The following DDHD1 variants were observed in gnomAD, a reference collection of about 807,000 sequenced individuals.
The protein encoded by DDHD1 is phospholipase DDHD1.
In DDHD1, 49 loss-of-function variants were observed where a neutral mutation model predicts 96.4. The observed-to-expected ratio is 0.51, with a 90% CI of 0.40 to 0.64. DDHD1 has a LOEUF of 0.64. Ranked by LOEUF, DDHD1 falls within the 30% of genes least tolerant of loss-of-function variation. DDHD1 has a pLI of 0.00. For synonymous variants in DDHD1, 442 were observed against 446.5 expected, an observed-to-expected ratio of 0.99 and a Z score of 0.13; for missense variants, 1,106 against 1,161.2, an observed-to-expected ratio of 0.95 and a Z score of 0.69.
intron 6 of DDHD1, among the ~76,000 whole-genome samples, chr14:53,071,437 A>C (rs538893575): frequency 6.6e-6 from 1 of 152,182 alleles, no homozygotes; most frequent in East Asian, 1.9e-4. Flanking sequence ...GGCCCTATGT[A>C]CTGTAATATT....
intron 1 of DDHD1, among the ~76,000 whole-genome samples, chr14:53,133,749 C>A (rs1007067737): frequency 6.6e-6 from 1 of 152,174 alleles, no homozygotes; most frequent in African/African-American, 2.4e-5. Flanking sequence ...AGTCCTCCAG[C>A]AAGCTACACA....
intron 5 of DDHD1, 47 bp from the exon 6 acceptor site, chr14:53,072,750 G>A: frequency 7.2e-7 from 1 of 1,382,602 alleles, no homozygotes; most frequent in Non-Finnish European, 1.0e-6. Flanking sequence ...GAAAGTCTCT[G>A]TTACAGGAAA....
intron 1 of DDHD1, 148 bp downstream of exon 1, chr14:53,152,113 G>GAAGGTGA: frequency 1.7e-5 from 14 of 833,718 alleles, no homozygotes; most frequent in Admixed American, 9.6e-5. Context: ...AGCTGCCGAC[G>GAAGGTGA]CTCCCTGCTC....
At chr14:53,135,119 G>A (rs1890137621) in intron 1 of DDHD1, among the ~76,000 whole-genome samples, 1 of 152,110 alleles carries the variant, frequency 6.6e-6, no homozygotes, top group South Asian at 2.1e-4. Context: ...TAAAAAGACA[G>A]GAATGTCAGG....
chr14:53,113,365 T>A (rs559495678), intron 1 of DDHD1, among the ~76,000 whole-genome samples: 129 of 107,838 alleles, frequency 1.2e-3, no homozygotes, highest in South Asian at 3.4e-3. Flanking sequence ...TTTTTCTTTT[T>A]AAAAAAAAAA....
intron 6 of DDHD1, among the ~76,000 whole-genome samples, chr14:53,065,180 T>C (rs1161037112): frequency 6.6e-6 from 1 of 152,136 alleles, no homozygotes; most frequent in Non-Finnish European, 1.5e-5. Flanking sequence ...AGTTAAAATT[T>C]ACGAAGGAAA....
chr14:53,072,386 A>C (rs558860148), intron 6 of DDHD1, among the ~76,000 whole-genome samples: 84 of 152,222 alleles, frequency 5.5e-4, no homozygotes, highest in Admixed American at 9.2e-4. Flanking sequence ...ACTATTTTCT[A>C]AACAGTCCCC....
chr14:53,114,178 A>G (rs1464286544), intron 1 of DDHD1, among the ~76,000 whole-genome samples: 1 of 152,192 alleles, frequency 6.6e-6, no homozygotes, highest in African/African-American at 2.4e-5. Context: ...ATTCCTCCTC[A>G]CTGGGCGGAG....
At chr14:53,084,168 T>C (rs1171663632) in intron 4 of DDHD1, among the ~76,000 whole-genome samples, 4 of 152,180 alleles carry the variant, frequency 2.6e-5, no homozygotes, top group African/African-American at 9.7e-5. Context: ...CTTATTCTTC[T>C]TGAATTTGAA....
intron 4 of DDHD1, among the ~76,000 whole-genome samples, chr14:53,074,416 C>T (rs969209526): frequency 3.3e-5 from 5 of 151,568 alleles, no homozygotes; most frequent in African/African-American, 9.7e-5. Flanking sequence ...CACTCCCCTC[C>T]CCCATATTTA....
intron 1 of DDHD1, among the ~76,000 whole-genome samples, chr14:53,115,052 A>G (rs1387033166): frequency 3.3e-5 from 5 of 152,154 alleles, no homozygotes; most frequent in Non-Finnish European, 5.9e-5. Flanking sequence ...GAGTTGAAAA[A>G]CACAGTCCGA....
rs1555334173 is a variant in DDHD1, at chr14:53,080,717, CTTTTTTTTTT to C, written c.1290-6880_1290-6871del. Among the ~76,000 whole-genome samples the C allele has an allele frequency of 2.1e-4, 19 of 89,506 alleles. 1 individual carries two copies. In the South Asian group the frequency reaches 6.6e-3, roughly 31 times the overall value. The allele number at this position is 89,506 out of a possible 152,430, so 58.7% of individuals were successfully genotyped here. ...ATAATTTCATTTCTTTTCCTTCCCC[CTTTTTTTTTT>C]TTTTTTTTTTGGAGATGAGGTCTTG... is the stretch of plus-strand genomic sequence containing the variant. On this transcript the variant is annotated intron_variant, in intron 4 of 12. Transcript: ENST00000673822.
rs973075140 is a variant in DDHD1 at position 53,039,755 on chromosome 14, G to A, written c.*7013C>T. ...GGAGAGTCAGGTTGGGCAGGCTGTG[G>A]GGAGCCTTGAGTGACAGATGGCATC... On this transcript the variant is annotated 3_prime_UTR_variant, in exon 13 of 13. Transcript: ENST00000673822. 3.3e-5 allele frequency: 5 copies of A among 152,458 alleles called. No individual in the cohort carries two copies. The East Asian group carries it at 7.7e-4, about 23-fold the overall frequency. The allele number at this position is 152,458 out of a possible 1,614,324, so 9.4% of individuals were successfully genotyped here. A position where few individuals can be genotyped will look rare whatever the true frequency, so the allele number is the denominator to read the frequency against.
At position 53,040,097 on chromosome 14, in the gene DDHD1, T is replaced by A. The variant is rs1881546578; in HGVS notation, c.*6671A>T. 6.6e-6 allele frequency: 1 copy of A among 151,694 alleles called. No individual in the cohort carries two copies. Among genetic ancestry groups the A allele is most frequent in the Non-Finnish European group, 1.5e-5 (1 of 67,974 alleles). 9.4% of individuals were successfully genotyped at this position (151,694 alleles called of 1,614,324 possible). ...TTTAAAGTCACTTTGGTAGCAAAGG[T>A]GGGGGAATGGGAAGGTGAGTGGAAA... On this transcript the variant is annotated 3_prime_UTR_variant, in exon 13 of 13. Coordinates refer to ENST00000673822, the MANE Select transcript of DDHD1 (RefSeq NM_001160148.2).
At chr14:53,145,963 T>G (rs1224370781) in intron 1 of DDHD1, among the ~76,000 whole-genome samples, 1 of 152,170 alleles carries the variant, frequency 6.6e-6, no homozygotes, top group Admixed American at 6.5e-5. Flanking sequence ...TCCCAGCACT[T>G]TGGGAGGCCG....
chr14:53,118,654 G>C (rs1331180986), intron 1 of DDHD1, among the ~76,000 whole-genome samples: 1 of 152,072 alleles, frequency 6.6e-6, no homozygotes, highest in Non-Finnish European at 1.5e-5. Flanking sequence ...AAGAAATATG[G>C]GACTATGTGA....
intron 4 of DDHD1, among the ~76,000 whole-genome samples, chr14:53,087,635 C>T (rs1486140217): frequency 6.6e-6 from 1 of 152,100 alleles, no homozygotes; most frequent in African/African-American, 2.4e-5. Flanking sequence ...CACAATGTAC[C>T]AGAATCTCTG....
Position 53,046,611 on chromosome 14 carries a change from C to CTT in DDHD1, c.*155_*156dup. On this transcript the variant is annotated 3_prime_UTR_variant, in exon 13 of 13. Coordinates refer to ENST00000673822, the MANE Select transcript of DDHD1 (RefSeq NM_001160148.2). ...ATGACTTCTTCAGAACTGAAAACTT[C>CTT]TTTTTTTTTTAAATAAAGTGCTTTT... 3 of 417,112 alleles carry CTT rather than the reference C, an allele frequency of 7.2e-6. No homozygotes were observed. Among genetic ancestry groups the CTT allele is most frequent in the Admixed American group, 4.8e-5 (1 of 20,726 alleles). 25.8% of individuals were successfully genotyped at this position (417,112 alleles called of 1,614,324 possible).
chr14:53,152,165 C>T, intron 1 of DDHD1, 96 bp downstream of exon 1: 1 of 1,285,000 alleles, frequency 7.8e-7, no homozygotes, highest in Non-Finnish European at 1.1e-6. Flanking sequence ...CCTCACGCGC[C>T]TCCCTCTTCG....
Sources: gnomAD v4.1 joint callset for allele counts (sites outside exome capture counted in the v4.1 genomes callset) on GRCh38, gnomAD v4.1.1 for gene constraint, MANE v1.5 for transcripts, NCBI Gene and HGNC (gene_info 2026-07-23, HGNC 2026-07-21) for gene names.